The following QNG1 variants were observed in gnomAD, a reference collection of about 807,000 sequenced individuals.
QNG1 encodes the protein queuosine 5'-phosphate N-glycosylase/hydrolase.
At chr9:83,950,049 A>ATT in the QNG1 span, among the ~76,000 whole-genome samples, 3 of 136,978 alleles carry the variant, frequency 2.2e-5, no homozygotes, top group African/African-American at 2.7e-5. Flanking sequence ...ACATTTTCCT[A>ATT]TTTTTTTTTT....
the QNG1 span, among the ~76,000 whole-genome samples, chr9:83,949,251 T>C: frequency 3.3e-5 from 5 of 152,236 alleles, no homozygotes; most frequent in Non-Finnish European, 7.4e-5. Flanking sequence ...CCTATATTCC[T>C]AAACCTATCT....
the QNG1 span, among the ~76,000 whole-genome samples, chr9:83,948,039 C>T: frequency 6.6e-6 from 1 of 150,982 alleles, no homozygotes; most frequent in Non-Finnish European, 1.5e-5. Flanking sequence ...AGCGCCTCTT[C>T]CCGGCTGCCA....
chr9:83,945,823 C>T, the QNG1 span, among the ~76,000 whole-genome samples: 2 of 151,896 alleles, frequency 1.3e-5, no homozygotes, highest in Non-Finnish European at 2.9e-5. Context: ...GGGATGGTCT[C>T]GATCTCCTGA....
the QNG1 span, among the ~76,000 whole-genome samples, chr9:83,950,383 G>A: frequency 2.6e-5 from 4 of 151,854 alleles, no homozygotes; most frequent in African/African-American, 9.7e-5. Context: ...AGCTCATTAT[G>A]GTTTTAGAAA....
chr9:83,948,314 C>T, the QNG1 span, among the ~76,000 whole-genome samples: 3 of 99,214 alleles, frequency 3.0e-5, no homozygotes, highest in African/African-American at 5.5e-5. Context: ...CCCCTCCGCC[C>T]GGCAGCCGCC....
At chr9:83,956,213 G>GT in the QNG1 span, 14 of 1,613,694 alleles carry the variant, frequency 8.7e-6, no homozygotes, top group Admixed American at 1.8e-4. Flanking sequence ...AGTACCCACT[G>GT]TATGTTTTCC....
the QNG1 span, among the ~76,000 whole-genome samples, chr9:83,950,226 T>A: frequency 4.6e-5 from 7 of 151,770 alleles, no homozygotes; most frequent in Non-Finnish European, 1.0e-4. Flanking sequence ...ATTTTTGTAT[T>A]TTTAGTAGAG....
At chr9:83,945,057 G>T in the QNG1 span, 2 of 1,239,958 alleles carry the variant, frequency 1.6e-6, no homozygotes, top group Non-Finnish European at 1.1e-6. Flanking sequence ...ATTTTTTAAA[G>T]GTGCAGTTGA....
At chr9:83,944,762 A>T in the QNG1 span, 3 of 1,506,480 alleles carry the variant, frequency 2.0e-6, no homozygotes, top group African/African-American at 1.4e-5. Flanking sequence ...AACAATTCAT[A>T]GTATAACAAA....
At chr9:83,956,872 T>A in the QNG1 span, 1 of 191,574 alleles carries the variant, frequency 5.2e-6, no homozygotes, top group Non-Finnish European at 1.1e-5. Flanking sequence ...GGTGCATGGC[T>A]TTGCCATGTT....
chr9:83,956,756 C>A, the QNG1 span: 1 of 396,554 alleles, frequency 2.5e-6, no homozygotes, highest in African/African-American at 2.1e-5. Context: ...AAAGCGGTCC[C>A]GTTCACGCCC....
the QNG1 span, chr9:83,953,828 C>T: frequency 6.5e-7 from 1 of 1,547,218 alleles, no homozygotes; most frequent in South Asian, 1.2e-5. Flanking sequence ...AAATGATCAT[C>T]ATTTGTTCAA....
chr9:83,945,315 C>T, the QNG1 span, among the ~76,000 whole-genome samples: 12 of 150,702 alleles, frequency 8.0e-5, no homozygotes, highest in South Asian at 6.3e-4. Flanking sequence ...GTGGGAGAAT[C>T]GCATGAGCCT....
the QNG1 span, among the ~76,000 whole-genome samples, chr9:83,947,126 G>A: frequency 6.6e-6 from 1 of 152,148 alleles, no homozygotes; most frequent in Non-Finnish European, 1.5e-5. Flanking sequence ...CCTAGATTAT[G>A]GAAAAACATA....
the QNG1 span, chr9:83,956,275 A>G: frequency 1.2e-6 from 2 of 1,614,124 alleles, no homozygotes; most frequent in Non-Finnish European, 1.7e-6. Flanking sequence ...CAAAAGGAGA[A>G]GTTGAGCGTG....
chr9:83,939,178 A>C, the QNG1 span: 2 of 238,408 alleles, frequency 8.4e-6, no homozygotes, highest in African/African-American at 4.6e-5. Flanking sequence ...AGTTCAAGCG[A>C]TTCTCTTGCC....
At chr9:83,943,809 C>A in the QNG1 span, among the ~76,000 whole-genome samples, 1 of 152,068 alleles carries the variant, frequency 6.6e-6, no homozygotes, top group Non-Finnish European at 1.5e-5. Flanking sequence ...ATCACAAGGT[C>A]AGGAGATCGA....
At chr9:83,938,916 T>C in the QNG1 span, 1 of 153,186 alleles carries the variant, frequency 6.5e-6, no homozygotes, top group Non-Finnish European at 1.5e-5. Flanking sequence ...GCTAGGCTAA[T>C]TTTTAAATTT....
chr9:83,948,105 G>A, the QNG1 span, among the ~76,000 whole-genome samples: 1 of 150,632 alleles, frequency 6.6e-6, no homozygotes, highest in African/African-American at 2.4e-5. Context: ...CTGAGATGTG[G>A]GGAGCGCCTC....
Sources: allele counts gnomAD v4.1 joint callset (sites outside exome capture counted in the v4.1 genomes callset), GRCh38; gene constraint gnomAD v4.1.1; transcripts MANE v1.5; gene names NCBI Gene and HGNC (gene_info 2026-07-23, HGNC 2026-07-21).